The following SYN2 variants were observed in gnomAD, a reference collection of about 807,000 sequenced individuals.
SYN2 encodes the protein synapsin II.
A neutral mutation model predicts 50.9 loss-of-function variants in SYN2; 19 were observed. The ratio of observed to expected loss-of-function variants is 0.37; its 90% CI spans 0.26 to 0.55. SYN2 has a LOEUF of 0.55. Ranked by LOEUF, SYN2 falls within the 20% of genes least tolerant of loss-of-function variation. The pLI is 0.81. For synonymous variants in SYN2, 255 were observed against 224.9 expected, an observed-to-expected ratio of 1.13 and a Z score of -1.20; for missense variants, 587 against 576.4, an observed-to-expected ratio of 1.02 and a Z score of -0.19.
chr3:12,123,054 C>T (rs575418602), intron 1 of SYN2, among the ~76,000 whole-genome samples: 146 of 152,212 alleles, frequency 9.6e-4, no homozygotes, highest in African/African-American at 3.2e-3. Flanking sequence ...CCCATGATGC[C>T]TCTCAAAGAG....
At chr3:12,079,736 T>C (rs62240407) in intron 1 of SYN2, among the ~76,000 whole-genome samples, 6,599 of 152,306 alleles carry the variant, frequency 0.043, 189 homozygotes, top group Non-Finnish European at 0.066. Flanking sequence ...TGCATCGATG[T>C]TTATCAGGGA....
At chr3:12,010,666 C>T (rs1449301986) in intron 1 of SYN2, among the ~76,000 whole-genome samples, 1 of 152,156 alleles carries the variant, frequency 6.6e-6, no homozygotes, top group African/African-American at 2.4e-5. Context: ...AGATCCTTTC[C>T]AGTACTGTAT....
intron 1 of SYN2, among the ~76,000 whole-genome samples, chr3:12,085,369 A>ACGCATG (rs1302420459): frequency 6.7e-6 from 1 of 149,844 alleles, no homozygotes; most frequent in Non-Finnish European, 1.5e-5. Context: ...ACACACACAC[A>ACGCATG]CACACACACA....
chr3:12,114,288 A>G (rs1696384174), intron 1 of SYN2, among the ~76,000 whole-genome samples: 3 of 151,888 alleles, frequency 2.0e-5, no homozygotes, highest in Admixed American at 1.3e-4. Flanking sequence ...CCAATTTTTA[A>G]TTCTGTCATC....
chr3:12,128,780 GTTTT>G (rs565641343), intron 1 of SYN2, among the ~76,000 whole-genome samples: 2 of 151,942 alleles, frequency 1.3e-5, no homozygotes, highest in African/African-American at 4.8e-5. Context: ...ACGCAGGAAA[GTTTT>G]TTTTAACCCA....
chr3:12,158,406 A>G (rs111434411), intron 5 of SYN2, among the ~76,000 whole-genome samples: 3 of 152,158 alleles, frequency 2.0e-5, no homozygotes, highest in Admixed American at 6.5e-5. Flanking sequence ...AATAATCATC[A>G]GATAGCTCCG....
chr3:12,069,567 C>G (rs973065480), intron 1 of SYN2, among the ~76,000 whole-genome samples: 2 of 152,008 alleles, frequency 1.3e-5, no homozygotes, highest in Non-Finnish European at 2.9e-5. Context: ...GTGTTTTAAA[C>G]TCCTTTGGGT....
intron 1 of SYN2, chr3:12,071,709 C>T (rs983599218): frequency 3.3e-5 from 10 of 301,608 alleles, no homozygotes; most frequent in Non-Finnish European, 5.9e-5. Flanking sequence ...CAGCAGTATC[C>T]GATCTGTGCA....
intron 1 of SYN2, chr3:12,070,468 A>G (rs1695325718): frequency 3.3e-6 from 2 of 598,690 alleles, no homozygotes; most frequent in Non-Finnish European, 6.4e-6. Context: ...ATCGTCATCA[A>G]CTGGGATGAC....
chr3:12,158,063 C>A (rs1009002902), intron 5 of SYN2, among the ~76,000 whole-genome samples: 6 of 152,174 alleles, frequency 3.9e-5, no homozygotes, highest in African/African-American at 1.4e-4. Flanking sequence ...TCCTGCCGAG[C>A]TCTTGATCTA....
chr3:12,178,868 G>C (rs73813145), intron 10 of SYN2, among the ~76,000 whole-genome samples: 5,201 of 152,298 alleles, frequency 0.034, 275 homozygotes, highest in African/African-American at 0.12. Context: ...GAAGGCAACT[G>C]CCTTGCCCAA....
intron 5 of SYN2, 86 bp downstream of exon 5, chr3:12,151,412 C>A: frequency 9.6e-7 from 1 of 1,045,870 alleles, no homozygotes; most frequent in Non-Finnish European, 1.5e-6. Flanking sequence ...CTGAAAAGGG[C>A]CTCAGCATCT....
intron 1 of SYN2, among the ~76,000 whole-genome samples, chr3:12,110,701 T>C (rs1022654955): frequency 6.6e-6 from 1 of 152,202 alleles, no homozygotes; most frequent in Non-Finnish European, 1.5e-5. Flanking sequence ...AACTATTTTT[T>C]CCTCCTAGGC....
At chr3:12,136,539 C>T (rs1353547286) in intron 1 of SYN2, among the ~76,000 whole-genome samples, 5 of 152,066 alleles carry the variant, frequency 3.3e-5, no homozygotes, top group East Asian at 1.9e-4. Context: ...TAAAAGAGGG[C>T]GTATTTAAGC....
chr3:12,039,989 G>A lies in SYN2; in HGVS notation c.377+35061G>A, dbSNP rs116973396. Among the ~76,000 whole-genome samples the A allele has an allele frequency of 5.0e-4, 76 of 152,278 alleles. No individual in the cohort carries two copies. In the East Asian group the frequency reaches 0.014, roughly 27 times the overall value. ...GCCCACTTTAGTCATGTGGGCATTG[G>A]TGTTGGGGGAGCCTGGAATACTCAT... On this transcript the variant is annotated intron_variant, in intron 1 of 12. Coordinates refer to ENST00000621198, the MANE Select transcript of SYN2 (RefSeq NM_133625.6).
chr3:12,018,423 A>C (rs931643184), intron 1 of SYN2, among the ~76,000 whole-genome samples: 1 of 152,226 alleles, frequency 6.6e-6, no homozygotes, highest in African/African-American at 2.4e-5. Flanking sequence ...GAGGCTTCCT[A>C]GACTGAGTGC....
At chr3:12,034,260 G>T (rs989536312) in intron 1 of SYN2, among the ~76,000 whole-genome samples, 1 of 152,072 alleles carries the variant, frequency 6.6e-6, no homozygotes, top group African/African-American at 2.4e-5. Flanking sequence ...TCTCATTGTG[G>T]TTTTGGTTTG....
At chr3:12,158,473 C>G (rs894806701) in intron 5 of SYN2, among the ~76,000 whole-genome samples, 1 of 152,122 alleles carries the variant, frequency 6.6e-6, no homozygotes, top group African/African-American at 2.4e-5. Flanking sequence ...TGAGGGAGGT[C>G]GCTATGGAAG....
intron 1 of SYN2, among the ~76,000 whole-genome samples, chr3:12,124,344 A>G (rs1170258924): frequency 6.6e-6 from 1 of 152,196 alleles, no homozygotes; most frequent in East Asian, 1.9e-4. Context: ...GTATACTAAA[A>G]CTAGGGAGGA....
Sources: gnomAD v4.1 joint callset for allele counts (sites outside exome capture counted in the v4.1 genomes callset) on GRCh38, gnomAD v4.1.1 for gene constraint, MANE v1.5 for transcripts, NCBI Gene and HGNC (gene_info 2026-07-23, HGNC 2026-07-21) for gene names.